The following RHAG variants were observed in gnomAD, a reference collection of about 807,000 sequenced individuals.
The protein encoded by RHAG is ammonium transporter Rh type A.
In RHAG, 25 loss-of-function variants were observed where a neutral mutation model predicts 42.4. The ratio of observed to expected loss-of-function variants is 0.59; its 90% CI spans 0.43 to 0.82. The LOEUF (loss-of-function observed/expected upper bound fraction) is 0.82. Among genes scored for constraint, RHAG ranks in the 40% least tolerant of loss-of-function variants. RHAG has a pLI of 0.00. For missense variants in RHAG, 483 were observed against 504.6 expected, an observed-to-expected ratio of 0.96 and a Z score of 0.41; for synonymous variants, 182 against 177.7, an observed-to-expected ratio of 1.02 and a Z score of -0.19.
At chr6:49,629,694 C>T (rs994676118) in intron 1 of RHAG, among the ~76,000 whole-genome samples, 41 of 152,316 alleles carry the variant, frequency 2.7e-4, no homozygotes, top group Admixed American at 7.2e-4. Flanking sequence ...CCCTGCCCCA[C>T]GGGAAGGCAG....
chr6:49,606,162 AT>A (rs764254005), intron 9 of RHAG, among the ~76,000 whole-genome samples: 17 of 152,158 alleles, frequency 1.1e-4, no homozygotes, highest in Non-Finnish European at 2.4e-4. Flanking sequence ...ATGTTTCGTT[AT>A]TCATAGGACC....
intron 9 of RHAG, 83 bp from the exon 10 acceptor site, chr6:49,605,913 T>C (rs763669780): frequency 4.4e-6 from 5 of 1,130,676 alleles, no homozygotes; most frequent in African/African-American, 1.5e-5. Flanking sequence ...AAAATATTTT[T>C]GGTAATTATT....
At chr6:49,613,860 A>G (rs1762607121) in intron 5 of RHAG, among the ~76,000 whole-genome samples, 1 of 152,210 alleles carries the variant, frequency 6.6e-6, no homozygotes, top group African/African-American at 2.4e-5. Context: ...ATAAAATACT[A>G]TTAAAGACAT....
intron 1 of RHAG, among the ~76,000 whole-genome samples, chr6:49,625,881 A>G (rs1312579283): frequency 6.6e-6 from 1 of 152,156 alleles, no homozygotes; most frequent in Non-Finnish European, 1.5e-5. Flanking sequence ...GAGCAAAGTC[A>G]TGTCTTACAT....
chr6:49,615,028 A>G (rs993842971), intron 4 of RHAG, 175 bp from the exon 5 acceptor site: 1 of 609,170 alleles, frequency 1.6e-6, no homozygotes, highest in East Asian at 3.0e-5. Flanking sequence ...GCTAACTGCA[A>G]CTTCCACCTC....
At chr6:49,607,631 T>C (rs995858438) in intron 7 of RHAG, among the ~76,000 whole-genome samples, 2 of 152,188 alleles carry the variant, frequency 1.3e-5, no homozygotes, top group African/African-American at 4.8e-5. Flanking sequence ...TCAGCATATA[T>C]TGTAGAGATA....
At chr6:49,632,356 G>A (rs1220877132) in intron 1 of RHAG, among the ~76,000 whole-genome samples, 1 of 152,140 alleles carries the variant, frequency 6.6e-6, no homozygotes, top group Non-Finnish European at 1.5e-5. Context: ...TCTGAAAAAT[G>A]CATGAAATGA....
chr6:49,628,011 A>C (rs1006689002), intron 1 of RHAG, among the ~76,000 whole-genome samples: 2 of 151,992 alleles, frequency 1.3e-5, no homozygotes, highest in Non-Finnish European at 2.9e-5. Context: ...ACTCTCTACC[A>C]CCCAAAAGAA....
intron 6 of RHAG, among the ~76,000 whole-genome samples, chr6:49,612,077 G>A (rs945730424): frequency 1.3e-5 from 2 of 152,020 alleles, no homozygotes; most frequent in African/African-American, 4.8e-5. Flanking sequence ...AAAGAGCAGA[G>A]TCCTTAATTA....
intron 4 of RHAG, 96 bp from the exon 5 acceptor site, chr6:49,614,949 T>C (rs962109811): frequency 2.6e-5 from 30 of 1,153,516 alleles, no homozygotes; most frequent in Non-Finnish European, 3.2e-5. Flanking sequence ...TATTTATTTG[T>C]TTATTTATTT....
chr6:49,607,795 G>A (rs1269391688), intron 7 of RHAG, among the ~76,000 whole-genome samples: 2 of 152,174 alleles, frequency 1.3e-5, no homozygotes, highest in Non-Finnish European at 2.9e-5. Flanking sequence ...AATGACAAAT[G>A]ACCTGGGAAT....
chr6:49,615,784 A>G lies in RHAG; in HGVS notation c.493-13T>C, dbSNP rs1480380152. 16 of 1,613,716 alleles carry G rather than the reference A, an allele frequency of 9.9e-6. No individual in the cohort carries two copies. Among genetic ancestry groups the G allele is most frequent in the Non-Finnish European group, 1.4e-5 (16 of 1,179,734 alleles). On this transcript the variant is annotated splice_polypyrimidine_tract_variant and intron_variant, in intron 3 of 9. Transcript: ENST00000371175. The stretch of plus-strand genomic sequence containing the variant: ...CAATGTCAGAGGCCTGAGGGACAAA[A>G]TAGCATTCACATAAATAGAGGTGAA...
chr6:49,625,816 C>A (rs1023039022), intron 1 of RHAG, among the ~76,000 whole-genome samples: 11 of 152,120 alleles, frequency 7.2e-5, no homozygotes, highest in African/African-American at 2.7e-4. Context: ...GTTTAATTGA[C>A]TCACAGTTCC....
At chr6:49,618,315 C>G (rs1762689426) in intron 2 of RHAG, 97 bp from the exon 3 acceptor site, 1 of 1,293,438 alleles carries the variant, frequency 7.7e-7, no homozygotes, top group African/African-American at 1.5e-5. Flanking sequence ...TCCAGTGCTT[C>G]CCAGGCTTAC....
intron 5 of RHAG, among the ~76,000 whole-genome samples, chr6:49,613,527 G>A (rs1762600956): frequency 6.6e-6 from 1 of 152,010 alleles, no homozygotes; most frequent in African/African-American, 2.4e-5. Context: ...GACAATTTGT[G>A]GAGAAATAAG....
intron 9 of RHAG, 70 bp downstream of exon 9, chr6:49,606,778 G>T: frequency 9.5e-7 from 1 of 1,050,074 alleles, no homozygotes; most frequent in Non-Finnish European, 1.5e-6. Context: ...AGATATCTAG[G>T]CTTGAAGTGT....
intron 9 of RHAG, 149 bp downstream of exon 9, chr6:49,606,699 G>C (rs186387007): frequency 2.9e-6 from 2 of 690,602 alleles, no homozygotes; most frequent in East Asian, 5.4e-5. Context: ...GCCGCCCAAC[G>C]TGCTGAGATT....
intron 5 of RHAG, among the ~76,000 whole-genome samples, chr6:49,614,430 G>A (rs930944284): frequency 6.6e-6 from 1 of 150,674 alleles, no homozygotes; most frequent in Non-Finnish European, 1.5e-5. Flanking sequence ...TTGAACTCTT[G>A]ACCTCAGGTA....
chr6:49,632,617 A>G (rs1375592995), intron 1 of RHAG, among the ~76,000 whole-genome samples: 1 of 152,178 alleles, frequency 6.6e-6, no homozygotes, highest in Non-Finnish European at 1.5e-5. Context: ...CAAATGGACA[A>G]TGTAACAGTA....
Sources: allele counts gnomAD v4.1 joint callset (sites outside exome capture counted in the v4.1 genomes callset), GRCh38; gene constraint gnomAD v4.1.1; transcripts MANE v1.5; gene names NCBI Gene and HGNC (gene_info 2026-07-23, HGNC 2026-07-21).